GMDS: variants seen among roughly 807,000 people sequenced by gnomAD.
The protein encoded by GMDS is GDP-mannose 4,6-dehydratase, also known as GDP-mannose 4,6 dehydratase.
Under a neutral mutation model 49.9 loss-of-function variants are expected in GMDS, and 20 were observed. That is an observed-to-expected ratio of 0.40 (90% confidence interval 0.28 to 0.58). The LOEUF is 0.58. GMDS is among the 20% of genes least tolerant of loss of function. The probability of loss-of-function intolerance (pLI) is 0.42; values close to 1 mark genes in which losing one functional copy is unlikely to be tolerated. For synonymous variants in GMDS, 177 were observed against 178.6 expected, an observed-to-expected ratio of 0.99 and a Z score of 0.07; for missense variants, 362 against 481.4, an observed-to-expected ratio of 0.75 and a Z score of 2.32.
chr6:1,932,542 T>TTA (rs1396633523), intron 6 of GMDS, among the ~76,000 whole-genome samples: 2 of 149,454 alleles, frequency 1.3e-5, no homozygotes, highest in Non-Finnish European at 3.0e-5. Flanking sequence ...TAATTCTTTT[T>TTA]TTTTTTTTTT....
intron 4 of GMDS, among the ~76,000 whole-genome samples, chr6:1,994,728 G>A (rs1766170975): frequency 6.6e-6 from 1 of 151,998 alleles, no homozygotes; most frequent in African/African-American, 2.4e-5. Context: ...GAAGGAGGTG[G>A]CATTAAGCTG....
chr6:1,880,058 T>C (rs992297695), intron 7 of GMDS, among the ~76,000 whole-genome samples: 1 of 152,020 alleles, frequency 6.6e-6, no homozygotes, highest in Admixed American at 6.6e-5. Flanking sequence ...TGATGATGAA[T>C]ATTTCTTAAA....
At chr6:2,163,419 ATG>A (rs553648208) in intron 1 of GMDS, among the ~76,000 whole-genome samples, 1 of 146,592 alleles carries the variant, frequency 6.8e-6, no homozygotes, top group Admixed American at 6.6e-5. Context: ...GTGTGTGTCT[ATG>A]TGTGTGTGTG....
chr6:1,936,372 C>T (rs1413005097), intron 6 of GMDS, among the ~76,000 whole-genome samples: 1 of 152,134 alleles, frequency 6.6e-6, no homozygotes, highest in African/African-American at 2.4e-5. Flanking sequence ...TCACTCCTTC[C>T]ATGAACCTAG....
At chr6:2,240,601 C>CAAAAAA (rs57052982) in intron 1 of GMDS, among the ~76,000 whole-genome samples, 17 of 83,974 alleles carry the variant, frequency 2.0e-4, no homozygotes, top group African/African-American at 5.5e-4. Context: ...AAGACTGTCT[C>CAAAAAA]AAAAAAAAAA....
At chr6:1,920,880 G>A (rs531459973) in intron 7 of GMDS, among the ~76,000 whole-genome samples, 87 of 152,280 alleles carry the variant, frequency 5.7e-4, no homozygotes, top group Admixed American at 1.4e-3. Flanking sequence ...AGTGTGAACA[G>A]TTCTTTAGTG....
intron 7 of GMDS, among the ~76,000 whole-genome samples, chr6:1,900,858 C>T (rs1760465771): frequency 6.6e-6 from 1 of 152,190 alleles, no homozygotes; most frequent in East Asian, 1.9e-4. Flanking sequence ...AATGTATGTT[C>T]CCTTAACTGC....
At chr6:2,231,557 T>A (rs1401006355) in intron 1 of GMDS, among the ~76,000 whole-genome samples, 1 of 152,062 alleles carries the variant, frequency 6.6e-6, no homozygotes, top group Non-Finnish European at 1.5e-5. Context: ...GAGCCAGACC[T>A]TGTCTCCAAA....
At chr6:2,168,695 T>C (rs1422712706) in intron 1 of GMDS, among the ~76,000 whole-genome samples, 2 of 152,230 alleles carry the variant, frequency 1.3e-5, no homozygotes, top group Admixed American at 6.5e-5. Flanking sequence ...ACACATCAAC[T>C]GCTTCTTTTA....
intron 3 of GMDS, among the ~76,000 whole-genome samples, chr6:2,117,210 G>T (rs1774892464): frequency 2.0e-5 from 3 of 152,176 alleles, no homozygotes; most frequent in Non-Finnish European, 4.4e-5. Context: ...GTGATCAAAG[G>T]CATGCCCTTT....
At chr6:1,689,939 TAA>T (rs1424780068) in intron 9 of GMDS, among the ~76,000 whole-genome samples, 1 of 152,072 alleles carries the variant, frequency 6.6e-6, no homozygotes, top group African/African-American at 2.4e-5. Flanking sequence ...CACTGATTAA[TAA>T]GATTGCTTTT....
chr6:2,236,881 C>A (rs1438569871), intron 1 of GMDS, among the ~76,000 whole-genome samples: 6 of 152,262 alleles, frequency 3.9e-5, no homozygotes, highest in African/African-American at 1.4e-4. Flanking sequence ...ATAATACAAC[C>A]AAGCTTTGGT....
chr6:1,884,101 T>G (rs905153804), intron 7 of GMDS, among the ~76,000 whole-genome samples: 1 of 152,178 alleles, frequency 6.6e-6, no homozygotes, highest in Non-Finnish European at 1.5e-5. Context: ...AAACCACATA[T>G]AGGAACCTGA....
At chr6:2,011,378 A>AAGGG (rs1410766315) in intron 4 of GMDS, among the ~76,000 whole-genome samples, 1 of 152,138 alleles carries the variant, frequency 6.6e-6, no homozygotes. Flanking sequence ...TTATATGAAA[A>AAGGG]ACAGTATAGA....
chr6:1,752,519 T>A (rs1767775047), intron 7 of GMDS, among the ~76,000 whole-genome samples: 1 of 151,992 alleles, frequency 6.6e-6, no homozygotes, highest in Non-Finnish European at 1.5e-5. Context: ...ACATTCAAAT[T>A]CAGGAAATAA....
At chr6:1,775,653 C>T (rs1045185107) in intron 7 of GMDS, among the ~76,000 whole-genome samples, 2 of 152,104 alleles carry the variant, frequency 1.3e-5, no homozygotes, top group African/African-American at 2.4e-5. Flanking sequence ...CTCCAGGGAT[C>T]CAGGGATATA....
chr6:2,164,205 T>A (rs557189657), intron 1 of GMDS, among the ~76,000 whole-genome samples: 1 of 152,336 alleles, frequency 6.6e-6, no homozygotes, highest in Admixed American at 6.5e-5. Flanking sequence ...TTCAGCCCGA[T>A]ACAACTTCAC....
intron 9 of GMDS, among the ~76,000 whole-genome samples, chr6:1,709,482 TG>T (rs1173289940): frequency 2.0e-5 from 3 of 152,196 alleles, no homozygotes; most frequent in African/African-American, 4.8e-5. Flanking sequence ...CCTGAGCAGC[TG>T]GAGGAAGTGA....
intron 9 of GMDS, among the ~76,000 whole-genome samples, chr6:1,626,430 A>G (rs551056063): frequency 5.1e-4 from 78 of 152,354 alleles, no homozygotes; most frequent in African/African-American, 1.9e-3. Flanking sequence ...TAGCAATATA[A>G]GCAGAAAAAC....
Sources: gnomAD v4.1 joint callset for allele counts (sites outside exome capture counted in the v4.1 genomes callset) on GRCh38, gnomAD v4.1.1 for gene constraint, MANE v1.5 for transcripts, NCBI Gene and HGNC (gene_info 2026-07-23, HGNC 2026-07-21) for gene names.